Variants in TENM2 observed in about 807,000 individuals in gnomAD.
TENM2 encodes the protein teneurin-2.
In TENM2, 52 loss-of-function variants were observed where a neutral mutation model predicts 245.2. The observed-to-expected ratio is 0.21, with a 90% confidence interval of 0.17 to 0.27. The LOEUF is 0.27. Ranked by LOEUF, TENM2 falls within the 10% of genes least tolerant of loss-of-function variation. The probability of loss-of-function intolerance (pLI) is 1.00; values close to 1 mark genes in which losing one functional copy is unlikely to be tolerated. For missense variants in TENM2, 3,046 were observed against 3,666.8 expected, an observed-to-expected ratio of 0.83 and a Z score of 4.37; for synonymous variants, 1,363 against 1,438.9, an observed-to-expected ratio of 0.95 and a Z score of 1.19.
At chr5:167,249,270 T>C in the TENM2 span, among the ~76,000 whole-genome samples, 1 of 152,192 alleles carries the variant, frequency 6.6e-6, no homozygotes, top group African/African-American at 2.4e-5. Flanking sequence ...AGGTATGAAG[T>C]ACCAGTTCTA....
intron 6 of TENM2, among the ~76,000 whole-genome samples, chr5:168,059,000 TCAAA>T (rs1364025503): frequency 1.3e-5 from 2 of 152,158 alleles, no homozygotes; most frequent in Non-Finnish European, 1.5e-5. Context: ...GAGCCAGGAT[TCAAA>T]CACAGTTCTA....
chr5:168,162,728 C>T (rs1757860361), exon 13 of TENM2: 1 of 1,614,014 alleles, frequency 6.2e-7, no homozygotes, highest in Non-Finnish European at 8.5e-7. Flanking sequence ...ATGGAAACTT[C>T]CTGTGCTGAT....
At chr5:167,320,866 T>G (rs148577839) in intron 1 of TENM2, among the ~76,000 whole-genome samples, 17 of 152,206 alleles carry the variant, frequency 1.1e-4, no homozygotes, top group African/African-American at 4.1e-4. Context: ...GGACAACTTA[T>G]TTTTTATGGT....
intron 9 of TENM2, among the ~76,000 whole-genome samples, chr5:168,117,071 C>T (rs1445318406): frequency 6.6e-6 from 1 of 152,132 alleles, no homozygotes; most frequent in Non-Finnish European, 1.5e-5. Flanking sequence ...CTGAAGGAGA[C>T]CGACCACTGA....
At chr5:167,714,340 A>G (rs572222172) in intron 2 of TENM2, among the ~76,000 whole-genome samples, 2 of 152,304 alleles carry the variant, frequency 1.3e-5, no homozygotes, top group South Asian at 4.1e-4. Context: ...TGGATTGGGG[A>G]GTGGGTTTAC....
intron 2 of TENM2, among the ~76,000 whole-genome samples, chr5:167,642,320 G>A (rs1327346681): frequency 1.3e-5 from 2 of 152,086 alleles, no homozygotes; most frequent in East Asian, 1.9e-4. Flanking sequence ...GACAATGAAT[G>A]TGAGAAGAGA....
In TENM2 at chr5:168,005,182, T is replaced by C. The variant is rs117818247; in HGVS notation, c.1186+12000T>C. Among the ~76,000 whole-genome samples, 172 of 152,344 alleles carry C rather than the reference T, an allele frequency of 1.1e-3. 1 individual carries two copies. The East Asian group carries it at 0.012, about 11-fold the overall frequency. On this transcript the variant is annotated intron_variant, in intron 5 of 28. Transcript: ENST00000518659. ...TATCCATATTGTAGTGAAACACCGA[T>C]GGCTTGTTTTATGCCAAAGGTAAAT...
chr5:167,139,968 A>G, the TENM2 span, among the ~76,000 whole-genome samples: 1 of 152,210 alleles, frequency 6.6e-6, no homozygotes, highest in African/African-American at 2.4e-5. Context: ...TAGCATTAGC[A>G]TCATGAAAAG....
At chr5:168,201,873 T>C (rs549578144) in intron 17 of TENM2, among the ~76,000 whole-genome samples, 8 of 152,194 alleles carry the variant, frequency 5.3e-5, no homozygotes, top group Non-Finnish European at 1.5e-5. Flanking sequence ...GTTGATTAAT[T>C]GGTTGGTTCT....
At chr5:168,232,339 G>A (rs1212721624) in intron 25 of TENM2, 3 of 152,202 alleles carry the variant, frequency 2.0e-5, no homozygotes, top group Admixed American at 6.5e-5. Context: ...ATGTAAACTG[G>A]GAAGGCTGGG....
rs5873074 is a variant in TENM2 at position 167,923,324 on chromosome 5, G to GA, written c.713-29252dup. On this transcript the variant is annotated intron_variant, in intron 3 of 28. Coordinates refer to ENST00000518659, the Ensembl canonical transcript of TENM2. ...AGAGTAAGACTCTGTCTCCAAAAAA[G>GA]AAAAAAAAAAAAGCCATGGGAAGAG... is the stretch of plus-strand genomic sequence containing the variant. 4.1e-3 allele frequency among the ~76,000 whole-genome samples: 566 copies of GA among 136,718 alleles called. 4 individuals are homozygous for GA. Among genetic ancestry groups the GA allele is most frequent in the African/African-American group, 9.2e-3 (356 of 38,870 alleles). 89.7% of individuals were successfully genotyped at this position (136,718 alleles called of 152,430 possible).
chr5:167,391,339 C>T (rs1231659890), intron 2 of TENM2, among the ~76,000 whole-genome samples: 3 of 151,872 alleles, frequency 2.0e-5, no homozygotes, highest in African/African-American at 7.3e-5. Flanking sequence ...AAAGCAAGAG[C>T]TCTTGGGTGG....
chr5:167,742,419 C>A lies in TENM2; in HGVS notation c.503-133567C>A, dbSNP rs556114688. ...CAGGCTTAAAGTCAGAAAACTAATT[C>A]TAAAAATAGTATTTCCTGATTTTTA... On this transcript the variant is annotated intron_variant, in intron 2 of 28. Transcript: ENST00000518659. 2.4e-3 allele frequency among the ~76,000 whole-genome samples: 368 copies of A among 150,278 alleles called. 1 individual carries two copies. The highest frequency in any genetic ancestry group is 7.0e-3 in the Middle Eastern group (2 of 286).
In TENM2 at chr5:167,390,374, G is replaced by A. The variant is rs549347833; in HGVS notation, c.502+14901G>A. On this transcript the variant is annotated intron_variant, in intron 2 of 28. Transcript: ENST00000518659. ...CCAAGGATAGAATTGCATTCCACAT[G>A]ATGAAAGGAAATTCACATCTACTAA... Among the ~76,000 whole-genome samples the A allele has an allele frequency of 4.6e-5, 7 of 152,266 alleles. No individual in the cohort carries two copies. In the East Asian group the frequency reaches 1.2e-3, roughly 25 times the overall value.
At chr5:167,678,698 C>T (rs933318857) in intron 2 of TENM2, among the ~76,000 whole-genome samples, 1 of 151,912 alleles carries the variant, frequency 6.6e-6, no homozygotes, top group Admixed American at 6.6e-5. Context: ...AAGAAGAAAC[C>T]CTTGGTGCCA....
At chr5:168,119,366 G>A (rs1795312545) in intron 10 of TENM2, among the ~76,000 whole-genome samples, 1 of 152,232 alleles carries the variant, frequency 6.6e-6, no homozygotes, top group African/African-American at 2.4e-5. Context: ...GGGAGAAAGA[G>A]CACCTCTCTG....
chr5:167,772,626 CTTT>C (rs34173993), intron 2 of TENM2, among the ~76,000 whole-genome samples: 1 of 146,552 alleles, frequency 6.8e-6, no homozygotes. Context: ...ATCAGACCCA[CTTT>C]TTTTTTTTTG....
At chr5:167,431,200 A>G (rs1053190727) in intron 2 of TENM2, among the ~76,000 whole-genome samples, 2 of 152,184 alleles carry the variant, frequency 1.3e-5, no homozygotes, top group African/African-American at 4.8e-5. Flanking sequence ...ACAATTATCA[A>G]TTTCTTTTTA....
chr5:167,536,306 G>T (rs760991268), intron 2 of TENM2, among the ~76,000 whole-genome samples: 2 of 152,068 alleles, frequency 1.3e-5, no homozygotes, highest in Admixed American at 6.6e-5. Context: ...GACCCAAAGG[G>T]TGTACTAAGC....
Sources: gnomAD v4.1 joint callset for allele counts (sites outside exome capture counted in the v4.1 genomes callset) on GRCh38, gnomAD v4.1.1 for gene constraint, MANE v1.5 for transcripts, NCBI Gene and HGNC (gene_info 2026-07-23, HGNC 2026-07-21) for gene names.